The following PTCH2 variants were observed in gnomAD, a reference collection of about 807,000 sequenced individuals.
The protein encoded by PTCH2 is patched 2.
A neutral mutation model predicts 117.9 loss-of-function variants in PTCH2; 96 were observed. The ratio of observed to expected loss-of-function variants is 0.81; its 90% CI spans 0.69 to 0.96. PTCH2 has a LOEUF of 0.96. Ranked by LOEUF, PTCH2 falls within the 50% of genes least tolerant of loss-of-function variation. PTCH2 has a pLI of 0.00. For synonymous variants in PTCH2, 615 were observed against 660.9 expected (o/e 0.93, Z 1.06); for missense variants, 1,379 against 1,562.5 (o/e 0.88, Z 1.98).
In PTCH2 at chr1:44,832,035, A is replaced by G. The variant is rs1180405298; in HGVS notation, c.465T>C (p.Asp155=). 1.2e-6 allele frequency: 2 copies of G among 1,613,578 alleles called. No homozygotes were observed. The highest frequency in any genetic ancestry group is 1.3e-5 in the African/African-American group (1 of 74,972). Residue 155 remains aspartate, a synonymous_variant, in exon 4 of 22, where the codon GAT becomes GAC. Coordinates refer to ENST00000372192, the MANE Select transcript of PTCH2 (RefSeq NM_003738.5). The part of the protein sequence containing the change: ...VQVSLYGKSW[D]LNKICYKSGV... ...CTGACTTGTAGCAGATTTTGTTCAA[A>G]TCCCAGGACCTGCAATAGCCAGGGG...
At chr1:44,829,875 G>A (rs2148878270) in intron 7 of PTCH2, 34 bp downstream of exon 7, 2 of 1,613,910 alleles carry the variant, frequency 1.2e-6, no homozygotes, top group East Asian at 2.2e-5. Flanking sequence ...CTCATGAACA[G>A]AGTCCCCTCA....
Position 44,828,148 on chromosome 1 carries a change from C to T in PTCH2, c.1753G>A (p.Gly585Arg). 1.9e-6 allele frequency: 3 copies of T among 1,613,926 alleles called. No homozygotes were observed. The highest frequency in any genetic ancestry group is 2.5e-6 in the Non-Finnish European group (3 of 1,180,048). Residue 585 changes from glycine (G) to arginine (R), a missense_variant, in exon 14 of 22, where the codon GGG (glycine) becomes AGG (arginine). By Grantham distance (125) the Gly-to-Arg change is moderately radical. Coordinates refer to ENST00000372192, the MANE Select transcript of PTCH2 (RefSeq NM_003738.5). ...ATGCCCACTGGTACTGTCCCGTCCCCCAGCTCCTGGGGCAGGATCTGAATC... is the reference window on the plus strand; with the variant it reads ...ATGCCCACTGGTACTGTCCCGTCCCTCAGCTCCTGGGGCAGGATCTGAATC... ...QVIQILPQEL[G>R]DGTVPVGIAH...
downstream of PTCH2, chr1:44,819,870 T>C (rs945671040): frequency 2.6e-5 from 4 of 153,024 alleles, no homozygotes; most frequent in African/African-American, 7.2e-5. Flanking sequence ...TAACTTTTAA[T>C]ACTTAAAAAT....
chr1:44,825,256 G>A (rs1653089925), intron 19 of PTCH2, among the ~76,000 whole-genome samples: 1 of 151,870 alleles, frequency 6.6e-6, no homozygotes, highest in South Asian at 2.1e-4. Flanking sequence ...TCCTGCCTCA[G>A]CCTTCCAAGT....
rs752886480 is a variant in PTCH2 at position 44,823,156 on chromosome 1, C to T, written c.3270G>A (p.Ala1090=). Residue 1090 remains alanine (A), a synonymous_variant, in exon 21 of 22, where the codon GCG becomes GCA. Transcript: ENST00000372192. This position sits in a 1 kb window ranked among gnomAD's most constrained non-coding sequence, Gnocchi z 5.1. ...CCAGGAGCGTGAGCACTGTCAGCGC[C>T]GCAAAGAAGTACCTAGGGGTAGGGT... is the stretch of plus-strand genomic sequence containing the variant. ...HFDFIVRYFF[A]ALTVLTLLGL... The T allele has an allele frequency of 1.9e-5, 31 of 1,613,974 alleles. 1 individual carries two copies. Among genetic ancestry groups the T allele is most frequent in the East Asian group, 1.8e-4 (8 of 44,894 alleles).
In PTCH2 at chr1:44,829,903, C is replaced by T. The variant is rs370065753; in HGVS notation, c.935+6G>A. ...TCCCCTCACCAACTCCCAGAGGAGA[C>T]CCTACCTCAGCAGCTCTCCTTGGGG... On this transcript the variant is annotated splice_donor_region_variant and intron_variant, in intron 7 of 21. Coordinates refer to ENST00000372192, the MANE Select transcript of PTCH2 (RefSeq NM_003738.5). 2.5e-6 allele frequency: 4 copies of T among 1,613,962 alleles called. No homozygotes were observed. Among genetic ancestry groups the T allele is most frequent in the Non-Finnish European group, 2.5e-6 (3 of 1,179,956 alleles).
rs764061693 is a variant in PTCH2, at chr1:44,827,984, T to A, written c.1917A>T (p.Gly639=). The A allele has an allele frequency of 6.2e-7, 1 of 1,614,016 alleles. No homozygotes were observed. Among genetic ancestry groups the A allele is most frequent in the East Asian group, 2.2e-5 (1 of 44,874 alleles). ...GGCCTAGAAGGTCCCGTGTGGACCC[T>A]CCAGGGCTGAAGAGCTCAGAGCCCA... is the stretch of plus-strand genomic sequence containing the variant. The part of the protein sequence containing the change: ...DPLGSELFSP[G]GSTRDLLGQE... Residue 639 remains glycine (G), a synonymous_variant, in exon 14 of 22, where the codon GGA becomes GGT. Coordinates refer to ENST00000372192, the MANE Select transcript of PTCH2 (RefSeq NM_003738.5).
At position 44,842,914 on chromosome 1, in the gene PTCH2, G is replaced by C. The variant is rs1030456781; in HGVS notation, c.19C>G (p.Leu7Val). ...GTGTAACTCGGGGGCAGCTCTCTGA[G>C]GGGCGGCGATCGAGTCATGCTGGCG... is the stretch of plus-strand genomic sequence containing the variant. Reference protein sequence around the residue: MTRSPPLRELPPSYTPP... With the variant: MTRSPPVRELPPSYTPP... Residue 7 changes from leucine (L) to valine (V), a missense_variant, in exon 1 of 22, where the codon CTC (leucine) becomes GTC (valine). By Grantham distance (32) the Leu-to-Val change is conservative. Transcript: ENST00000372192. The C allele has an allele frequency of 3.5e-5, 54 of 1,548,998 alleles. No homozygotes were observed. Among genetic ancestry groups the C allele is most frequent in the Admixed American group, 5.9e-5 (3 of 50,712 alleles).
chr1:44,839,361 CAAAAAAAAAAA>C (rs57053705), intron 2 of PTCH2, among the ~76,000 whole-genome samples: 1,680 of 75,658 alleles, frequency 0.022, 48 homozygotes, highest in African/African-American at 0.082. Context: ...GACTTACTCT[CAAAAAAAAAAA>C]AAAAAAAAAA....
Position 44,831,720 on chromosome 1 carries a change from G to A in PTCH2, c.603C>T (p.Gly201=), listed in dbSNP as rs201603163. The change falls in exon 5 of 22, where the codon GGC becomes GGT. Residue 201 remains glycine, a synonymous_variant. Coordinates refer to ENST00000372192, the MANE Select transcript of PTCH2 (RefSeq NM_003738.5). This position sits in a 1 kb window ranked among gnomAD's most constrained non-coding sequence, Gnocchi z 4.3. ...CFWEGAKLQG[G]SAYLPGRPDI... ...GTGGCACTCACGGCAGGTAGGCGGA[G>A]CCCCCTTGGAGTTTGGCTCCCTCCC... The A allele has an allele frequency of 3.8e-6, 6 of 1,561,352 alleles. No homozygotes were observed. The highest frequency in any genetic ancestry group is 2.7e-5 in the African/African-American group (2 of 73,352).
chr1:44,829,450 C>T lies in PTCH2; in HGVS notation c.1167G>A (p.Ala389=), dbSNP rs1005780221. The T allele has an allele frequency of 1.4e-5, 23 of 1,614,100 alleles. No homozygotes were observed. Among genetic ancestry groups the T allele is most frequent in the South Asian group, 4.4e-5 (4 of 91,086 alleles). The change falls in exon 9 of 22, where the codon GCG becomes GCA. Residue 389 remains alanine (A), a synonymous_variant. Coordinates refer to ENST00000372192, the MANE Select transcript of PTCH2 (RefSeq NM_003738.5). ...CACGGGCAGCACTGACTTCAGAGAA[C>T]GCATGCAGGATGTCATCCAGGGTGG... ...SSTTLDDILH[A]FSEVSAARVV... is the part of the protein sequence containing the mutation.
intron 2 of PTCH2, among the ~76,000 whole-genome samples, chr1:44,833,916 G>C (rs1375268121): frequency 6.6e-5 from 10 of 152,056 alleles, no homozygotes; most frequent in African/African-American, 2.4e-4. Context: ...GGGATTACAG[G>C]TGTGAGTCAC....
At chr1:44,836,668 G>A (rs1036893733) in intron 2 of PTCH2, among the ~76,000 whole-genome samples, 2 of 151,914 alleles carry the variant, frequency 1.3e-5, no homozygotes, top group African/African-American at 4.8e-5. Flanking sequence ...TCAATCCACT[G>A]CACTCCAGCC....
In PTCH2 at chr1:44,826,306, C is replaced by T. The variant is rs542373255; in HGVS notation, c.3058G>A (p.Val1020Met). ...LGIKLSAIPV[V>M]ILVASVGIGV... The stretch of plus-strand genomic sequence containing the variant: ...ATGCCTACAGAGGCCACAAGGATCA[C>T]CACGGGGATGGCACTCAGCTTGATG... The change falls in exon 19 of 22, where the codon GTG becomes ATG. Residue 1020 changes from valine to methionine, a missense_variant. By Grantham distance (21) the Val-to-Met change is conservative. Transcript: ENST00000372192. This position sits in a 1 kb window ranked among gnomAD's most constrained non-coding sequence, Gnocchi z 5.1. 6.2e-7 allele frequency: 1 copy of T among 1,614,150 alleles called. No homozygotes were observed. The highest frequency in any genetic ancestry group is 2.2e-5 in the East Asian group (1 of 44,888).
chr1:44,829,690 T>G lies in PTCH2; in HGVS notation c.1007A>C (p.Tyr336Ser). The stretch of plus-strand genomic sequence containing the variant: ...ACTCCAGCCAATGTCATGTGTCTGA[T>G]AGTCACCCCGGAAATGCTCGTACAG... ...RQLYEHFRGD[Y>S]QTHDIGWSEE... The change falls in exon 8 of 22, where the codon TAT (tyrosine) becomes TCT (serine). Residue 336 changes from tyrosine (Y) to serine (S), a missense_variant. Transcript: ENST00000372192. 3 of 1,614,210 alleles carry G rather than the reference T, an allele frequency of 1.9e-6. No homozygotes were observed. The highest frequency in any genetic ancestry group is 2.5e-6 in the Non-Finnish European group (3 of 1,180,034).
At chr1:44,830,607 AGT>A (rs1653396798) in intron 6 of PTCH2, among the ~76,000 whole-genome samples, 24 of 149,856 alleles carry the variant, frequency 1.6e-4, no homozygotes, top group South Asian at 2.1e-4. Flanking sequence ...AAAAAAAAGA[AGT>A]CCAGCCTTAT....
intron 2 of PTCH2, among the ~76,000 whole-genome samples, chr1:44,839,906 A>G (rs1557651181): frequency 6.6e-6 from 1 of 151,924 alleles, no homozygotes; most frequent in Non-Finnish European, 1.5e-5. Context: ...TCTGCTGTGG[A>G]TCCTAGGACT....
downstream of PTCH2, chr1:44,819,989 C>A: frequency 6.4e-6 from 1 of 155,966 alleles, no homozygotes; most frequent in South Asian, 1.7e-4. Context: ...TGAAGAGAAA[C>A]CCGAGTATAT....
At position 44,822,156 on chromosome 1, in the gene PTCH2, G is replaced by C; in HGVS notation, c.*259C>G. On this transcript the variant is annotated 3_prime_UTR_variant, in exon 22 of 22. Transcript: ENST00000372192. ...GGCAGGCAGTGGTGTGGGGTGGGAA[G>C]GGGGACAGGGCTGCACTGCAGCCCC... The C allele has an allele frequency of 2.1e-6, 3 of 1,419,614 alleles. No individual in the cohort carries two copies. Among genetic ancestry groups the C allele is most frequent in the Non-Finnish European group, 2.7e-6 (3 of 1,091,286 alleles). The allele number at this position is 1,419,614 out of a possible 1,614,324, so 87.9% of individuals were successfully genotyped here. A position where few individuals can be genotyped will look rare whatever the true frequency, so the allele number is the denominator to read the frequency against.
Sources: allele counts gnomAD v4.1 joint callset (sites outside exome capture counted in the v4.1 genomes callset), GRCh38; gene constraint gnomAD v4.1.1; non-coding constraint Gnocchi (gnomAD v3.1); transcripts MANE v1.5; gene names NCBI Gene and HGNC (gene_info 2026-07-23, HGNC 2026-07-21).